Variants in ADGRA3 observed in about 807,000 individuals in gnomAD.
The protein encoded by ADGRA3 is adhesion G protein-coupled receptor A3, also known as G-protein coupled receptor 125.
ADGRA3 carries 56 observed loss-of-function variants against 119.8 expected under a neutral mutation model. The observed-to-expected ratio is 0.47, with a 90% CI of 0.38 to 0.58. ADGRA3 has a LOEUF of 0.58. Ranked by LOEUF, ADGRA3 falls within the 20% of genes least tolerant of loss-of-function variation. The probability of loss-of-function intolerance (pLI) is 0.00; values close to 1 mark genes in which losing one functional copy is unlikely to be tolerated. For missense variants in ADGRA3, 1,516 were observed against 1,649.0 expected, an observed-to-expected ratio of 0.92 and a Z score of 1.40; for synonymous variants, 607 against 623.8, an observed-to-expected ratio of 0.97 and a Z score of 0.40.
At chr4:22,444,483 A>G (rs1454226556) in intron 6 of ADGRA3, among the ~76,000 whole-genome samples, 2 of 152,100 alleles carry the variant, frequency 1.3e-5, no homozygotes, top group African/African-American at 4.8e-5. Flanking sequence ...ACAGGGTTTC[A>G]CCATGTTAGC....
chr4:22,444,937 T>C (rs375383107), intron 6 of ADGRA3, 36 bp downstream of exon 6: 11 of 1,606,400 alleles, frequency 6.8e-6, no homozygotes, highest in East Asian at 2.2e-5. Flanking sequence ...AGTCAAAATA[T>C]GGTAAATGCT....
At chr4:22,469,978 G>A (rs543830591) in intron 2 of ADGRA3, among the ~76,000 whole-genome samples, 1 of 152,124 alleles carries the variant, frequency 6.6e-6, no homozygotes, top group East Asian at 1.9e-4. Context: ...TATATCCTAT[G>A]TTTCTCCCCA....
chr4:22,515,148 G>A (rs1719597196), intron 1 of ADGRA3, among the ~76,000 whole-genome samples: 1 of 152,224 alleles, frequency 6.6e-6, no homozygotes, highest in Non-Finnish European at 1.5e-5. Context: ...ACTGGCGCTT[G>A]CAATCAAGCA....
chr4:22,493,525 C>T (rs1718702727), intron 1 of ADGRA3, among the ~76,000 whole-genome samples: 1 of 152,154 alleles, frequency 6.6e-6, no homozygotes. Context: ...TCTCTGCTCT[C>T]CTGGCAATAC....
chr4:22,495,963 G>GT (rs1718809021), intron 1 of ADGRA3, among the ~76,000 whole-genome samples: 1 of 151,626 alleles, frequency 6.6e-6, no homozygotes, highest in African/African-American at 2.4e-5. Context: ...TACAATTAGA[G>GT]TATCATCATT....
In ADGRA3 at chr4:22,436,492, G is replaced by T; in HGVS notation, c.1235C>A (p.Ser412Tyr). The T allele has an allele frequency of 6.2e-7, 1 of 1,612,670 alleles. No individual in the cohort carries two copies. ...GACATCATTTGCATACTGACAGCGA[G>T]AATAATCATCATCTGCCCAAAAGCC... ...RGGFWADDDY[S>Y]RCQYANDVTR... Residue 412 changes from serine (S) to tyrosine (Y), a missense_variant, in exon 9 of 19, where the codon TCT (serine) becomes TAT (tyrosine). By Grantham distance (144) the Ser-to-Tyr change is moderately radical (BLOSUM62 -2). Transcript: ENST00000334304.
At chr4:22,471,860 C>T (rs1717868067) in intron 2 of ADGRA3, among the ~76,000 whole-genome samples, 2 of 152,078 alleles carry the variant, frequency 1.3e-5, no homozygotes, top group African/African-American at 4.8e-5. Context: ...CTTGGTATCA[C>T]CCAAAATGGC....
At chr4:22,429,437 T>C (rs1327046194) in intron 10 of ADGRA3, among the ~76,000 whole-genome samples, 1 of 152,174 alleles carries the variant, frequency 6.6e-6, no homozygotes, top group Non-Finnish European at 1.5e-5. Flanking sequence ...GCTCTGAGGT[T>C]GAACTCTGAT....
At chr4:22,389,980 G>C (rs1714042399) in intron 17 of ADGRA3, among the ~76,000 whole-genome samples, 1 of 151,986 alleles carries the variant, frequency 6.6e-6, no homozygotes, top group South Asian at 2.1e-4. Context: ...TGATACATTT[G>C]TCCATATATT....
chr4:22,462,882 G>A (rs1717517157), intron 2 of ADGRA3, among the ~76,000 whole-genome samples: 1 of 152,208 alleles, frequency 6.6e-6, no homozygotes, highest in Non-Finnish European at 1.5e-5. Flanking sequence ...CCTGGTGGCT[G>A]GGCTCAGCTG....
At chr4:22,461,876 T>A in intron 2 of ADGRA3, 68 bp from the exon 3 acceptor site, 1 of 941,614 alleles carries the variant, frequency 1.1e-6, no homozygotes, top group Non-Finnish European at 1.6e-6. Context: ...ACAATACACT[T>A]ACCTGCTATA....
At chr4:22,400,375 GA>G (rs1344934159) in intron 16 of ADGRA3, among the ~76,000 whole-genome samples, 10 of 152,194 alleles carry the variant, frequency 6.6e-5, no homozygotes, top group African/African-American at 2.2e-4. Context: ...TAAAAAAGAG[GA>G]AAATCATATT....
chr4:22,473,034 T>C (rs1412574359), intron 2 of ADGRA3: 4 of 152,184 alleles, frequency 2.6e-5, no homozygotes, highest in Non-Finnish European at 4.4e-5. Context: ...AAGAAAAATA[T>C]ATATTTACAA....
At chr4:22,400,955 A>G (rs553732674) in intron 16 of ADGRA3, among the ~76,000 whole-genome samples, 1 of 152,328 alleles carries the variant, frequency 6.6e-6, no homozygotes, top group South Asian at 2.1e-4. Flanking sequence ...CACTAAGCCT[A>G]CATATGTAAT....
Position 22,484,235 on chromosome 4 carries a change from A to G in ADGRA3, c.258-10392T>C, listed in dbSNP as rs1022800831. Among the ~76,000 whole-genome samples the G allele has an allele frequency of 4.6e-5, 7 of 152,198 alleles. No homozygotes were observed. In the South Asian group the frequency reaches 1.4e-3, roughly 31 times the overall value. Reference sequence around the variant, plus strand: ...ATGGGAAAATCAGGTAAATCTGGGTAAAAAATATACAGAGGTTCTACCCAT... The same window carrying G: ...ATGGGAAAATCAGGTAAATCTGGGTGAAAAATATACAGAGGTTCTACCCAT... On this transcript the variant is annotated intron_variant, in intron 1 of 18. Transcript: ENST00000334304.
chr4:22,461,816 A>C lies in ADGRA3; in HGVS notation c.330-8T>G, dbSNP rs1717469073. 1 of 1,581,550 alleles carries C rather than the reference A, an allele frequency of 6.3e-7. No individual in the cohort carries two copies. The highest frequency in any genetic ancestry group is 1.3e-5 in the African/African-American group (1 of 74,288). ...AGATTGTTTCGGAGGTCCCTGTTAA[A>C]AATAAAATAAAAGTTATTCACATAT... On this transcript the variant is annotated splice_polypyrimidine_tract_variant and splice_region_variant and intron_variant, in intron 2 of 18. Coordinates refer to ENST00000334304, the MANE Select transcript of ADGRA3 (RefSeq NM_145290.4).
chr4:22,468,884 T>TAAAAACA (rs1717758719), intron 2 of ADGRA3, among the ~76,000 whole-genome samples: 1 of 152,034 alleles, frequency 6.6e-6, no homozygotes, highest in East Asian at 1.9e-4. Flanking sequence ...AAAAGGTATC[T>TAAAAACA]ATCAAAAAAC....
At chr4:22,511,509 G>C (rs1480664246) in intron 1 of ADGRA3, among the ~76,000 whole-genome samples, 1 of 152,014 alleles carries the variant, frequency 6.6e-6, no homozygotes, top group Non-Finnish European at 1.5e-5. Flanking sequence ...ATGAAGACCA[G>C]TTCATCCATT....
chr4:22,387,443 T>A lies in ADGRA3; in HGVS notation c.*262A>T. On this transcript the variant is annotated 3_prime_UTR_variant, in exon 19 of 19. Coordinates refer to ENST00000334304, the MANE Select transcript of ADGRA3 (RefSeq NM_145290.4). ...TGAAATATTAAGTACAAATTACAGA[T>A]TCCAAGAAATTACATTTCACATCCC... is the stretch of plus-strand genomic sequence containing the variant. 2.7e-6 allele frequency: 1 copy of A among 372,952 alleles called. No homozygotes were observed. Among genetic ancestry groups the A allele is most frequent in the Non-Finnish European group, 4.8e-6 (1 of 208,484 alleles). 23.1% of individuals were successfully genotyped at this position (372,952 alleles called of 1,614,324 possible). A position where few individuals can be genotyped will look rare whatever the true frequency, so the allele number is the denominator to read the frequency against.
Sources: gnomAD v4.1 joint callset for allele counts (sites outside exome capture counted in the v4.1 genomes callset) on GRCh38, gnomAD v4.1.1 for gene constraint, MANE v1.5 for transcripts, NCBI Gene and HGNC (gene_info 2026-07-23, HGNC 2026-07-21) for gene names.